The following NLGN1 variants were observed in gnomAD, a reference collection of about 807,000 sequenced individuals.
The protein encoded by NLGN1 is neuroligin 1, also known as neuroligin-1.
NLGN1 carries 12 observed loss-of-function variants against 65.5 expected under a neutral mutation model. The observed-to-expected ratio is 0.18, with a 90% CI of 0.12 to 0.30. The LOEUF is 0.30. Among genes scored for constraint, NLGN1 ranks in the 10% least tolerant of loss-of-function variants. The pLI is 1.00. For synonymous variants in NLGN1, 350 were observed against 359.5 expected (o/e 0.97, Z 0.30); for missense variants, 750 against 1,007.1 (o/e 0.74, Z 3.46).
In NLGN1 at chr3:173,710,361, A is replaced by C. The variant is rs191488324; in HGVS notation, c.494-97319A>C. ...TGTATTTCCACTCACATTTAAAAAA[A>C]AATCTTTACATAGATTTCCCAGGAT... On this transcript the variant is annotated intron_variant, in intron 3 of 6. Transcript: ENST00000457714. Among the ~76,000 whole-genome samples, 513 of 152,324 alleles carry C rather than the reference A, an allele frequency of 3.4e-3. 3 individuals are homozygous for C. The highest frequency in any genetic ancestry group is 0.01 in the Middle Eastern group (3 of 294).
chr3:173,431,397 C>A (rs1717137317), intron 1 of NLGN1, among the ~76,000 whole-genome samples: 1 of 152,054 alleles, frequency 6.6e-6, no homozygotes, highest in East Asian at 1.9e-4. Context: ...TATTCCTTAT[C>A]AAATCTAGCA....
intron 4 of NLGN1, among the ~76,000 whole-genome samples, chr3:173,906,605 A>G (rs1738444975): frequency 6.6e-6 from 1 of 152,140 alleles, no homozygotes; most frequent in African/African-American, 2.4e-5. Context: ...TGGAGGCAAA[A>G]CAGTGGGTGA....
At chr3:173,798,607 TGA>T (rs1363201124) in intron 3 of NLGN1, among the ~76,000 whole-genome samples, 1 of 152,110 alleles carries the variant, frequency 6.6e-6, no homozygotes, top group East Asian at 1.9e-4. Flanking sequence ...AACTTGCAAC[TGA>T]GTGTCAATTA....
intron 4 of NLGN1, among the ~76,000 whole-genome samples, chr3:174,141,205 T>C (rs7630485): frequency 0.11 from 16,351 of 152,146 alleles, 1,800 homozygotes; most frequent in African/African-American, 0.27. Flanking sequence ...AAAAAGACTT[T>C]TTTTTAAAAT....
chr3:173,808,092 C>G (rs1717050647), intron 4 of NLGN1, among the ~76,000 whole-genome samples: 1 of 152,082 alleles, frequency 6.6e-6, no homozygotes, highest in African/African-American at 2.4e-5. Context: ...ATGGCAGGGC[C>G]TTATTGAAGA....
intron 4 of NLGN1, among the ~76,000 whole-genome samples, chr3:174,102,285 T>C (rs1444661846): frequency 1.3e-5 from 2 of 152,124 alleles, no homozygotes; most frequent in Non-Finnish European, 2.9e-5. Context: ...GATGTTCATT[T>C]TTTTTCCTTT....
intron 4 of NLGN1, among the ~76,000 whole-genome samples, chr3:174,057,334 C>T (rs1736366488): frequency 1.3e-5 from 2 of 151,982 alleles, no homozygotes; most frequent in Admixed American, 6.6e-5. Flanking sequence ...GGAAAATAAA[C>T]CAGCACCTTA....
chr3:173,716,182 A>G (rs1234475798), intron 3 of NLGN1, among the ~76,000 whole-genome samples: 3 of 152,184 alleles, frequency 2.0e-5, no homozygotes, highest in Non-Finnish European at 2.9e-5. Flanking sequence ...TTGCACGTTC[A>G]GGAAAGCGAT....
chr3:173,894,685 G>A (rs1324326353), intron 4 of NLGN1, among the ~76,000 whole-genome samples: 2 of 143,884 alleles, frequency 1.4e-5, no homozygotes, highest in East Asian at 4.1e-4. Context: ...AGGTTGGAGT[G>A]CAATGGCAAT....
At chr3:173,782,894 T>C (rs1440134298) in intron 3 of NLGN1, among the ~76,000 whole-genome samples, 1 of 151,980 alleles carries the variant, frequency 6.6e-6, no homozygotes, top group Non-Finnish European at 1.5e-5. Context: ...TATAAAAATA[T>C]ATATACTAAT....
intron 2 of NLGN1, among the ~76,000 whole-genome samples, chr3:173,601,404 T>C (rs1322178135): frequency 6.6e-6 from 1 of 152,078 alleles, no homozygotes. Context: ...TTATTCTCTT[T>C]CCTTTCTACT....
At chr3:173,823,946 T>G (rs554426549) in intron 4 of NLGN1, among the ~76,000 whole-genome samples, 17 of 152,032 alleles carry the variant, frequency 1.1e-4, no homozygotes, top group African/African-American at 4.1e-4. Context: ...TCTTTTTTAA[T>G]GCTCTGTGTT....
intron 4 of NLGN1, among the ~76,000 whole-genome samples, chr3:174,072,957 T>C (rs941420611): frequency 1.3e-5 from 2 of 152,200 alleles, no homozygotes; most frequent in Non-Finnish European, 2.9e-5. Context: ...AGTATCATAT[T>C]TTCTGATTAA....
At chr3:173,585,827 G>A (rs1344009220) in intron 2 of NLGN1, among the ~76,000 whole-genome samples, 1 of 152,152 alleles carries the variant, frequency 6.6e-6, no homozygotes, top group Non-Finnish European at 1.5e-5. Context: ...TTTTCTTGCA[G>A]CTGAATTCAG....
intron 4 of NLGN1, among the ~76,000 whole-genome samples, chr3:173,811,033 C>A (rs193014485): frequency 6.6e-6 from 1 of 152,180 alleles, no homozygotes; most frequent in Non-Finnish European, 1.5e-5. Context: ...GAGCTCCTGG[C>A]GACCTCCTGC....
intron 3 of NLGN1, among the ~76,000 whole-genome samples, chr3:173,757,638 G>C (rs1472734029): frequency 6.6e-6 from 1 of 151,954 alleles, no homozygotes; most frequent in Non-Finnish European, 1.5e-5. Context: ...GCAATGTGCA[G>C]ATATCGTTTA....
intron 4 of NLGN1, among the ~76,000 whole-genome samples, chr3:173,897,166 C>A (rs933504749): frequency 6.6e-6 from 1 of 152,160 alleles, no homozygotes; most frequent in Non-Finnish European, 1.5e-5. Context: ...TGATTAAAAT[C>A]TTCACCACAT....
chr3:173,501,092 A>G (rs888181848), intron 2 of NLGN1, among the ~76,000 whole-genome samples: 7 of 152,026 alleles, frequency 4.6e-5, no homozygotes, highest in African/African-American at 1.7e-4. Context: ...AGTTTTATGT[A>G]TTTATTTATT....
chr3:173,526,222 G>A (rs1735618206), intron 2 of NLGN1, among the ~76,000 whole-genome samples: 1 of 152,000 alleles, frequency 6.6e-6, no homozygotes, highest in South Asian at 2.1e-4. Flanking sequence ...AGGTCTAGTA[G>A]TATTTGGTTT....
Sources: allele counts gnomAD v4.1 joint callset (sites outside exome capture counted in the v4.1 genomes callset), GRCh38; gene constraint gnomAD v4.1.1; transcripts MANE v1.5; gene names NCBI Gene and HGNC (gene_info 2026-07-23, HGNC 2026-07-21).